The following HSD17B4 variants were observed in gnomAD, a reference collection of about 807,000 sequenced individuals.
HSD17B4 encodes peroxisomal multifunctional enzyme type 2.
HSD17B4 carries 70 observed loss-of-function variants against 101.0 expected under a neutral mutation model. The observed-to-expected ratio is 0.69, with a 90% CI of 0.57 to 0.85. The LOEUF (loss-of-function observed/expected upper bound fraction) is 0.85. Ranked by LOEUF, HSD17B4 falls within the 40% of genes least tolerant of loss-of-function variation. The pLI is 0.00. For missense variants in HSD17B4, 984 were observed against 892.4 expected (o/e 1.10, Z -1.31); for synonymous variants, 347 against 297.1 (o/e 1.17, Z -1.73).
chr5:119,531,953 A>G (rs192561283), intron 22 of HSD17B4, among the ~76,000 whole-genome samples: 3 of 152,304 alleles, frequency 2.0e-5, no homozygotes, highest in African/African-American at 7.2e-5. Flanking sequence ...AATATAAAAC[A>G]TCTTGCCGCA....
intron 22 of HSD17B4, 55 bp from the exon 23 acceptor site, chr5:119,536,368 C>A: frequency 6.5e-7 from 1 of 1,531,214 alleles, no homozygotes; most frequent in Non-Finnish European, 9.0e-7. Flanking sequence ...TTTATTTTAC[C>A]CTCATTTTGT....
chr5:119,516,260 G>A (rs1752605474), intron 17 of HSD17B4, among the ~76,000 whole-genome samples: 1 of 151,992 alleles, frequency 6.6e-6, no homozygotes, highest in African/African-American at 2.4e-5. Context: ...TTTACATAAG[G>A]CTTAATTGAG....
chr5:119,484,056 A>T (rs563619079), intron 8 of HSD17B4, among the ~76,000 whole-genome samples: 1 of 152,192 alleles, frequency 6.6e-6, no homozygotes, highest in South Asian at 2.1e-4. Context: ...TTTTAAAAAA[A>T]GTCAAGCTGG....
At chr5:119,498,195 A>G (rs1750823196) in intron 12 of HSD17B4, among the ~76,000 whole-genome samples, 1 of 152,208 alleles carries the variant, frequency 6.6e-6, no homozygotes, top group South Asian at 2.1e-4. Context: ...AGGCATTGTG[A>G]TAAAGAAAAT....
chr5:119,484,322 T>C (rs1749417542), intron 8 of HSD17B4, among the ~76,000 whole-genome samples: 1 of 152,214 alleles, frequency 6.6e-6, no homozygotes, highest in African/African-American at 2.4e-5. Context: ...AATCGACTGC[T>C]TACACCTGGG....
intron 2 of HSD17B4, among the ~76,000 whole-genome samples, chr5:119,468,935 T>G (rs1756080793): frequency 6.6e-6 from 1 of 151,648 alleles, no homozygotes. Flanking sequence ...TTGATTGAAT[T>G]CTTGTTTTTT....
intron 3 of HSD17B4, 109 bp from the exon 4 acceptor site, chr5:119,474,292 T>C (rs1748353739): frequency 5.1e-6 from 4 of 790,526 alleles, no homozygotes; most frequent in Non-Finnish European, 9.3e-6. Context: ...TATGTTCTTC[T>C]GAGTTCTGTT....
At chr5:119,489,054 A>G (rs1285084877) in intron 8 of HSD17B4, 138 bp from the exon 9 acceptor site, 3 of 637,256 alleles carry the variant, frequency 4.7e-6, no homozygotes, top group African/African-American at 3.7e-5. Flanking sequence ...CTTCGCAAAG[A>G]CTTAAATGTT....
chr5:119,474,994 A>G (rs1408338088), intron 4 of HSD17B4, among the ~76,000 whole-genome samples: 3 of 152,142 alleles, frequency 2.0e-5, no homozygotes, highest in South Asian at 2.1e-4. Context: ...TAACTACTAG[A>G]TGGAGACATC....
chr5:119,486,766 G>C (rs571304249), intron 8 of HSD17B4, among the ~76,000 whole-genome samples: 4 of 152,182 alleles, frequency 2.6e-5, no homozygotes, highest in Admixed American at 1.3e-4. Context: ...AATTTTTCTA[G>C]GATATGTACT....
Position 119,529,977 on chromosome 5 carries a change from T to A in HSD17B4, c.1851T>A (p.Ser617=). The stretch of plus-strand genomic sequence containing the variant: ...CTGGTACTTCAGCTAAGACACCCTC[T>A]GAGGTAGGTTATAAAAATTAGTATC... ...PTSGTSAKTP[S]EGGKLQSTFV... The change falls in exon 21 of 24, where the codon TCT becomes TCA. Residue 617 remains serine, a synonymous_variant. Coordinates refer to ENST00000510025, the MANE Select transcript of HSD17B4 (RefSeq NM_000414.4). The A allele has an allele frequency of 6.3e-7, 1 of 1,583,514 alleles. No individual in the cohort carries two copies. Among genetic ancestry groups the A allele is most frequent in the Admixed American group, 1.7e-5 (1 of 59,916 alleles).
chr5:119,488,980 ATACT>A lies in HSD17B4; in HGVS notation c.623-208_623-205del, dbSNP rs1749849969. On this transcript the variant is annotated intron_variant, in intron 8 of 23. Coordinates refer to ENST00000510025, the MANE Select transcript of HSD17B4 (RefSeq NM_000414.4). ...TACTCATCTTGGAAAGGTGTGTCTG[ATACT>A]TACAATTTTAGAAGCTTGAGAGCCC... Among the ~76,000 whole-genome samples, 3 of 152,242 alleles carry A rather than the reference ATACT, an allele frequency of 2.0e-5. 1 individual carries two copies. In the Middle Eastern group the frequency reaches 0.01, roughly 518 times the overall value.
At chr5:119,480,376 G>T (rs546783605) in intron 8 of HSD17B4, among the ~76,000 whole-genome samples, 1 of 152,170 alleles carries the variant, frequency 6.6e-6, no homozygotes, top group South Asian at 2.1e-4. Context: ...GAGTACAAAA[G>T]AGAGAAATTT....
chr5:119,536,410 C>A lies in HSD17B4; in HGVS notation c.1994-13C>A. On this transcript the variant is annotated splice_polypyrimidine_tract_variant and intron_variant, in intron 22 of 23. Transcript: ENST00000510025. Reference sequence around the variant, plus strand: ...GAAAAAGATACACATTGGTTTCTTCCTATTTTTCCCAGCTATTGACCTGAA... The same window carrying A: ...GAAAAAGATACACATTGGTTTCTTCATATTTTTCCCAGCTATTGACCTGAA... The A allele has an allele frequency of 6.2e-7, 1 of 1,611,208 alleles. No homozygotes were observed. The highest frequency in any genetic ancestry group is 8.5e-7 in the Non-Finnish European group (1 of 1,177,822).
chr5:119,535,246 T>A (rs193200771), intron 22 of HSD17B4, among the ~76,000 whole-genome samples: 1 of 149,946 alleles, frequency 6.7e-6, no homozygotes, highest in African/African-American at 2.4e-5. Flanking sequence ...GAGATTAACA[T>A]TGATGCAGTA....
chr5:119,494,714 C>A (rs573792648), intron 11 of HSD17B4, among the ~76,000 whole-genome samples: 1 of 152,012 alleles, frequency 6.6e-6, no homozygotes, highest in African/African-American at 2.4e-5. Context: ...CTGGTAAGTT[C>A]CTTTGAGGCA....
At chr5:119,461,922 C>G (rs1246116770) in intron 2 of HSD17B4, among the ~76,000 whole-genome samples, 1 of 152,022 alleles carries the variant, frequency 6.6e-6, no homozygotes, top group Non-Finnish European at 1.5e-5. Flanking sequence ...CGTACATTCC[C>G]AATATAGCAC....
At chr5:119,483,494 A>G (rs1307544212) in intron 8 of HSD17B4, among the ~76,000 whole-genome samples, 1 of 152,152 alleles carries the variant, frequency 6.6e-6, no homozygotes, top group Non-Finnish European at 1.5e-5. Context: ...CTTTTCCCAT[A>G]TCATGAACAT....
chr5:119,525,726 C>CTTTTTTTCTTTA, intron 18 of HSD17B4, 191 bp from the exon 19 acceptor site: 1 of 347,706 alleles, frequency 2.9e-6, no homozygotes, highest in Non-Finnish European at 5.1e-6. Context: ...TTTTTTTTTT[C>CTTTTTTTCTTTA]TTTCTTTCTT....
Sources: allele counts gnomAD v4.1 joint callset (sites outside exome capture counted in the v4.1 genomes callset), GRCh38; gene constraint gnomAD v4.1.1; transcripts MANE v1.5; gene names NCBI Gene and HGNC (gene_info 2026-07-23, HGNC 2026-07-21).